LAMC1: variants seen among roughly 807,000 people sequenced by gnomAD.
The protein encoded by LAMC1 is laminin subunit gamma-1.
LAMC1 carries 38 observed loss-of-function variants against 173.6 expected under a neutral mutation model. The observed-to-expected ratio is 0.22, with a 90% CI of 0.17 to 0.29. LAMC1 has a LOEUF of 0.29. Among genes scored for constraint, LAMC1 ranks in the 10% least tolerant of loss-of-function variants. LAMC1 has a pLI of 1.00. For missense variants in LAMC1, 1,824 were observed against 2,051.8 expected (o/e 0.89, Z 2.14); for synonymous variants, 746 against 749.1 (o/e 1.00, Z 0.07).
intron 25 of LAMC1, 129 bp downstream of exon 25, chr1:183,136,714 A>AT (rs1167153178): frequency 1.4e-6 from 1 of 727,824 alleles, no homozygotes; most frequent in Non-Finnish European, 2.2e-6. Flanking sequence ...CTTAAACCAT[A>AT]TTTGTCTTTT....
chr1:183,082,441 C>T (rs548390443), intron 1 of LAMC1, among the ~76,000 whole-genome samples: 17 of 152,116 alleles, frequency 1.1e-4, no homozygotes, highest in African/African-American at 4.1e-4. Flanking sequence ...TGATGATTTC[C>T]TTGTGGAGAT....
At chr1:183,046,918 T>C (rs1256045799) in intron 1 of LAMC1, among the ~76,000 whole-genome samples, 1 of 152,184 alleles carries the variant, frequency 6.6e-6, no homozygotes, top group East Asian at 1.9e-4. Flanking sequence ...TTTATAATTA[T>C]GAAGGCCATT....
Position 183,142,823 on chromosome 1 carries a change from A to T in LAMC1, c.*33A>T. 6.4e-7 allele frequency: 1 copy of T among 1,574,404 alleles called. No individual in the cohort carries two copies. Among genetic ancestry groups the T allele is most frequent in the Admixed American group, 1.8e-5 (1 of 54,948 alleles). ...AGGGCTGGAAGGCAGCATCCCTCTGACAGGGGGGCAGTTGTGAGGCCACAG... is the reference window on the plus strand; with the variant it reads ...AGGGCTGGAAGGCAGCATCCCTCTGTCAGGGGGGCAGTTGTGAGGCCACAG... On this transcript the variant is annotated 3_prime_UTR_variant, in exon 28 of 28. Transcript: ENST00000258341.
chr1:183,134,411 T>C (rs1656880106), intron 22 of LAMC1, among the ~76,000 whole-genome samples: 1 of 152,216 alleles, frequency 6.6e-6, no homozygotes. Flanking sequence ...GATGGAAATC[T>C]GTATTTTGAT....
rs1248817550 is a variant in LAMC1 at position 183,116,838 on chromosome 1, A to G, written c.1499A>G (p.His500Arg). 38 of 1,614,014 alleles carry G rather than the reference A, an allele frequency of 2.4e-5. No individual in the cohort carries two copies. Among genetic ancestry groups the G allele is most frequent in the Non-Finnish European group, 3.1e-5 (37 of 1,179,892 alleles). The change falls in exon 8 of 28, where the codon CAT (histidine) becomes CGT (arginine). Residue 500 changes from histidine (H) to arginine (R), a missense_variant. By Grantham distance (29) the His-to-Arg change is conservative. Coordinates refer to ENST00000258341, the MANE Select transcript of LAMC1 (RefSeq NM_002293.4). Reference protein sequence around the residue: ...RGCTPCFCFGHSSVCTNAVGY... With the variant: ...RGCTPCFCFGRSSVCTNAVGY... ...TGCACACCCTGCTTCTGCTTTGGGC[A>G]TTCTTCTGTCTGTACAAACGCTGTT...
chr1:183,132,411 A>C lies in LAMC1; in HGVS notation c.3578A>C (p.Glu1193Ala). 1 of 1,613,766 alleles carries C rather than the reference A, an allele frequency of 6.2e-7. No individual in the cohort carries two copies. Among genetic ancestry groups the C allele is most frequent in the East Asian group, 2.2e-5 (1 of 44,870 alleles). ...ARKLAERHKQ[E>A]ADDIVRVAKT... ...TTTTATCTGTATAGTCATAAACAGG[A>C]AGCTGATGACATTGTTCGAGTGGCA... Residue 1193 changes from glutamate to alanine, a missense_variant, in exon 21 of 28, where the codon GAA becomes GCA. Physicochemically the swap from Glu to Ala is moderately radical, Grantham distance 107. Coordinates refer to ENST00000258341, the MANE Select transcript of LAMC1 (RefSeq NM_002293.4).
rs59134708 is a variant in LAMC1 at position 183,128,470 on chromosome 1, TAAAAAAA to T, written c.3124-115_3124-109del. The T allele has an allele frequency of 1.7e-4, 106 of 613,368 alleles. 1 individual carries two copies. In the African/African-American group the frequency reaches 1.8e-3, roughly 11 times the overall value. The allele number at this position is 613,368 out of a possible 1,614,324, so 38.0% of individuals were successfully genotyped here. On this transcript the variant is annotated intron_variant, in intron 17 of 27. Transcript: ENST00000258341. ...CTAAAACTTAAAGTATAATAATAAT[TAAAAAAA>T]AAAAAAAAGAACTACATATTCATGG...
chr1:183,117,492 C>T lies in LAMC1; in HGVS notation c.1688-42C>T, dbSNP rs374340240. The T allele has an allele frequency of 8.1e-6, 13 of 1,611,516 alleles. No homozygotes were observed. In the African/African-American group the frequency reaches 1.6e-4, roughly 20 times the overall value. On this transcript the variant is annotated intron_variant, in intron 9 of 27. Coordinates refer to ENST00000258341, the MANE Select transcript of LAMC1 (RefSeq NM_002293.4). ...GACCTGCTGTGTGCCTCTGTTTAGT[C>T]TCAGTCTCACATTCTTGCCCACCAT...
chr1:183,063,780 C>T (rs1006292916), intron 1 of LAMC1, among the ~76,000 whole-genome samples: 1 of 152,244 alleles, frequency 6.6e-6, no homozygotes, highest in East Asian at 1.9e-4. Context: ...TTATCAAATA[C>T]AGAGGGTGCT....
intron 1 of LAMC1, among the ~76,000 whole-genome samples, chr1:183,092,840 A>C (rs187922100): frequency 6.6e-6 from 1 of 152,240 alleles, no homozygotes; most frequent in Admixed American, 6.5e-5. Flanking sequence ...CCACCAGAGA[A>C]AGTCCTCATT....
chr1:183,113,830 A>T (rs1032080124), intron 4 of LAMC1, among the ~76,000 whole-genome samples: 1 of 152,220 alleles, frequency 6.6e-6, no homozygotes, highest in Non-Finnish European at 1.5e-5. Flanking sequence ...CCTGCATATA[A>T]AATGGCACTT....
At chr1:183,038,690 C>T (rs1036006587) in intron 1 of LAMC1, among the ~76,000 whole-genome samples, 16 of 152,088 alleles carry the variant, frequency 1.1e-4, no homozygotes, top group African/African-American at 3.6e-4. Flanking sequence ...CCTGGCATCA[C>T]GAATCCCAAT....
intron 1 of LAMC1, among the ~76,000 whole-genome samples, chr1:183,098,407 C>T (rs1655749424): frequency 6.6e-6 from 1 of 152,194 alleles, no homozygotes; most frequent in African/African-American, 2.4e-5. Context: ...ATTCCAAATT[C>T]CTTGAAGCAA....
intron 6 of LAMC1, 47 bp from the exon 7 acceptor site, chr1:183,116,530 A>G (rs369228599): frequency 3.9e-6 from 5 of 1,296,232 alleles, no homozygotes; most frequent in Non-Finnish European, 5.5e-6. Context: ...TGAAGAGTGG[A>G]AGTTTTCTCC....
chr1:183,046,463 G>A (rs1459122283), intron 1 of LAMC1, among the ~76,000 whole-genome samples: 1 of 151,948 alleles, frequency 6.6e-6, no homozygotes, highest in East Asian at 1.9e-4. Flanking sequence ...CATGAACATG[G>A]TATAATTTAT....
chr1:183,127,682 A>C (rs1242802698), intron 17 of LAMC1, among the ~76,000 whole-genome samples: 1 of 152,230 alleles, frequency 6.6e-6, no homozygotes, highest in South Asian at 2.1e-4. Flanking sequence ...GATCTGATGG[A>C]TACAAAGGAA....
intron 1 of LAMC1, among the ~76,000 whole-genome samples, chr1:183,025,165 T>C (rs4651137): frequency 0.5 from 75,764 of 151,978 alleles, 19,592 homozygotes; most frequent in South Asian, 0.64. Flanking sequence ...ACAGACTGCC[T>C]CAAGCCATTC....
intron 5 of LAMC1, 72 bp from the exon 6 acceptor site, chr1:183,115,448 T>G: frequency 1.0e-6 from 1 of 976,686 alleles, no homozygotes; most frequent in Non-Finnish European, 1.7e-6. Flanking sequence ...CCAGTTATCT[T>G]TCTTTAACAC....
chr1:183,098,159 A>G (rs1193089742), intron 1 of LAMC1, among the ~76,000 whole-genome samples: 5 of 152,168 alleles, frequency 3.3e-5, no homozygotes, highest in Non-Finnish European at 7.3e-5. Context: ...TTTTCTATTC[A>G]TCTACCTGTT....
Sources: allele counts gnomAD v4.1 joint callset (sites outside exome capture counted in the v4.1 genomes callset), GRCh38; gene constraint gnomAD v4.1.1; transcripts MANE v1.5; gene names NCBI Gene and HGNC (gene_info 2026-07-23, HGNC 2026-07-21).